The following SUMF1 variants were observed in gnomAD, a reference collection of about 807,000 sequenced individuals.
The protein encoded by SUMF1 is formylglycine-generating enzyme.
A neutral mutation model predicts 47.6 loss-of-function variants in SUMF1; 48 were observed. That is an observed-to-expected ratio of 1.01 (90% CI 0.80 to 1.28). The LOEUF is 1.28. Among genes scored for constraint, SUMF1 ranks in the 50% most tolerant of loss-of-function variants. The pLI is 0.00. For synonymous variants in SUMF1, 230 were observed against 192.1 expected, an observed-to-expected ratio of 1.20 and a Z score of -1.63; for missense variants, 571 against 485.4, an observed-to-expected ratio of 1.18 and a Z score of -1.66.
chr3:4,267,561 C>A (rs1485386844), intron 8 of SUMF1, among the ~76,000 whole-genome samples: 1 of 151,978 alleles, frequency 6.6e-6, no homozygotes, highest in African/African-American at 2.4e-5. Context: ...TCTGTGGGAT[C>A]GGTGGTGGGC....
At chr3:4,038,997 T>A (rs2125015907) in intron 9 of SUMF1, among the ~76,000 whole-genome samples, 1 of 152,160 alleles carries the variant, frequency 6.6e-6, no homozygotes, top group African/African-American at 2.4e-5. Context: ...AAATAGCATA[T>A]CATAATATTT....
At chr3:4,254,019 G>T (rs1236164451) in intron 8 of SUMF1, among the ~76,000 whole-genome samples, 1 of 150,714 alleles carries the variant, frequency 6.6e-6, no homozygotes, top group Non-Finnish European at 1.5e-5. Context: ...ACCACACACA[G>T]CAGGGTATTC....
rs139455851 is a variant in SUMF1, at chr3:4,464,928, T to C, written c.270+2048A>G. Among the ~76,000 whole-genome samples the C allele has an allele frequency of 5.3e-5, 8 of 152,304 alleles. No individual in the cohort carries two copies. In the East Asian group the frequency reaches 1.2e-3, roughly 22 times the overall value. On this transcript the variant is annotated intron_variant, in intron 1 of 8. Coordinates refer to ENST00000272902, the MANE Select transcript of SUMF1 (RefSeq NM_182760.4). ...AAGAACTGGCCAAAGATGGCCCATA[T>C]AGCATCCAGTCAAGACACAAAACCA...
chr3:4,214,040 C>T lies in SUMF1; in HGVS notation c.1015-145295G>A, dbSNP rs374156425. Among the ~76,000 whole-genome samples the T allele has an allele frequency of 1.1e-4, 16 of 152,268 alleles. 2 individuals carry two copies. The highest frequency in any genetic ancestry group is 1.3e-4 in the Admixed American group (2 of 15,290). ...AACAAGGATATTCAGGACTTGAACTCAGCTCTGGACCAAGCAGACCTAATA... is the reference window on the plus strand; with the variant it reads ...AACAAGGATATTCAGGACTTGAACTTAGCTCTGGACCAAGCAGACCTAATA... On this transcript the variant is annotated intron_variant and NMD_transcript_variant, in intron 8 of 12. Transcript: ENST00000448413.
At chr3:4,194,473 A>G (rs571922834) in intron 8 of SUMF1, among the ~76,000 whole-genome samples, 63 of 152,288 alleles carry the variant, frequency 4.1e-4, no homozygotes, top group African/African-American at 1.3e-3. Flanking sequence ...CCCCTCAGGC[A>G]GGAGCCTGGA....
intron 1 of SUMF1, among the ~76,000 whole-genome samples, chr3:4,459,164 C>T (rs75818859): frequency 1.6e-3 from 244 of 152,026 alleles, no homozygotes; most frequent in African/African-American, 5.6e-3. Flanking sequence ...TTATATATTT[C>T]GCAATTATTA....
chr3:4,053,895 A>G (rs1277539375), intron 9 of SUMF1, among the ~76,000 whole-genome samples: 1 of 152,170 alleles, frequency 6.6e-6, no homozygotes, highest in Non-Finnish European at 1.5e-5. Context: ...CATAACACCT[A>G]TGAAGTCCTT....
At chr3:4,269,707 C>G (rs1697267591) in intron 8 of SUMF1, among the ~76,000 whole-genome samples, 1 of 152,122 alleles carries the variant, frequency 6.6e-6, no homozygotes, top group Non-Finnish European at 1.5e-5. Context: ...CAAGACAGGC[C>G]AATTCCTTAA....
chr3:4,316,505 C>T, intron 8 of SUMF1: 4 of 1,597,194 alleles, frequency 2.5e-6, no homozygotes, highest in Non-Finnish European at 3.4e-6. Context: ...AACTCAATGT[C>T]AACCATTCTA....
At chr3:4,243,779 G>A (rs113031308) in intron 8 of SUMF1, among the ~76,000 whole-genome samples, 5 of 151,760 alleles carry the variant, frequency 3.3e-5, no homozygotes, top group African/African-American at 7.3e-5. Context: ...TCTAAGGTTC[G>A]CATGATCCAG....
chr3:4,068,404 T>C (rs1031851506), intron 9 of SUMF1, among the ~76,000 whole-genome samples: 4 of 152,180 alleles, frequency 2.6e-5, no homozygotes, highest in Non-Finnish European at 5.9e-5. Context: ...TTGAGCCACA[T>C]TTTAAAAAGT....
chr3:4,456,913 TAC>T (rs1257235175), intron 1 of SUMF1, among the ~76,000 whole-genome samples: 1 of 142,638 alleles, frequency 7.0e-6, no homozygotes, highest in Non-Finnish European at 1.5e-5. Context: ...TATATCTATA[TAC>T]GTGTGTGTGT....
intron 8 of SUMF1, among the ~76,000 whole-genome samples, chr3:4,218,666 T>G (rs1695993357): frequency 6.6e-6 from 1 of 152,152 alleles, no homozygotes; most frequent in Non-Finnish European, 1.5e-5. Flanking sequence ...ATGTCAGACT[T>G]CGTGTGAGAG....
intron 8 of SUMF1, among the ~76,000 whole-genome samples, chr3:4,078,612 G>A (rs1414065994): frequency 6.6e-6 from 1 of 151,814 alleles, no homozygotes; most frequent in Non-Finnish European, 1.5e-5. Context: ...CATGTAACAG[G>A]CCCAGTGTGG....
intron 8 of SUMF1, among the ~76,000 whole-genome samples, chr3:4,181,997 T>C (rs1458840998): frequency 6.6e-6 from 1 of 152,200 alleles, no homozygotes; most frequent in East Asian, 1.9e-4. Context: ...ATATACATAA[T>C]TTCATTGTTT....
intron 1 of SUMF1, among the ~76,000 whole-genome samples, chr3:4,453,585 G>A (rs1703053604): frequency 1.3e-5 from 2 of 150,700 alleles, no homozygotes; most frequent in Admixed American, 1.3e-4. Flanking sequence ...CCAGGCTGGA[G>A]TACAGTGGCA....
At chr3:4,267,463 T>C (rs988976157) in intron 8 of SUMF1, among the ~76,000 whole-genome samples, 2 of 152,170 alleles carry the variant, frequency 1.3e-5, no homozygotes, top group Admixed American at 6.5e-5. Flanking sequence ...GGAGAGTGTA[T>C]GTGTCGAGGA....
At chr3:4,113,347 C>T (rs938372880) in intron 8 of SUMF1, among the ~76,000 whole-genome samples, 2 of 151,874 alleles carry the variant, frequency 1.3e-5, no homozygotes, top group Non-Finnish European at 2.9e-5. Flanking sequence ...GGCAATATAG[C>T]AAGACCTTGT....
chr3:4,193,154 C>T (rs932944964), intron 8 of SUMF1, among the ~76,000 whole-genome samples: 3 of 152,010 alleles, frequency 2.0e-5, no homozygotes, highest in African/African-American at 7.2e-5. Context: ...CTGGAAGCTA[C>T]TAGGCATATG....
Sources: gnomAD v4.1 joint callset for allele counts (sites outside exome capture counted in the v4.1 genomes callset) on GRCh38, gnomAD v4.1.1 for gene constraint, MANE v1.5 for transcripts, NCBI Gene and HGNC (gene_info 2026-07-23, HGNC 2026-07-21) for gene names.